The following CMSS1 variants were observed in gnomAD, a reference collection of about 807,000 sequenced individuals.
CMSS1 encodes protein CMSS1.
A neutral mutation model predicts 43.5 loss-of-function variants in CMSS1; 33 were observed. The observed-to-expected ratio is 0.76, with a 90% CI of 0.57 to 1.01. CMSS1 has a LOEUF of 1.01. Ranked by LOEUF, CMSS1 falls within the 50% of genes least tolerant of loss-of-function variation. The pLI is 0.00. For synonymous variants in CMSS1, 115 were observed against 117.2 expected (o/e 0.98, Z 0.12); for missense variants, 313 against 326.4 (o/e 0.96, Z 0.32).
intron 2 of CMSS1, among the ~76,000 whole-genome samples, chr3:100,148,422 TTAC>T (rs2066873379): frequency 6.6e-6 from 1 of 152,160 alleles, no homozygotes; most frequent in Non-Finnish European, 1.5e-5. Context: ...CAATCCAAAG[TTAC>T]TATATTTTTC....
intron 1 of CMSS1, among the ~76,000 whole-genome samples, chr3:100,011,459 A>C (rs1026560844): frequency 1.3e-5 from 2 of 152,194 alleles, no homozygotes; most frequent in Admixed American, 6.5e-5. Flanking sequence ...GTTAGATGCC[A>C]TCTTCCTCCA....
intron 1 of CMSS1, among the ~76,000 whole-genome samples, chr3:100,119,267 G>C (rs1219232149): frequency 2.0e-5 from 3 of 152,078 alleles, no homozygotes; most frequent in Non-Finnish European, 4.4e-5. Flanking sequence ...GAATTATAAA[G>C]GAAAAATGAA....
chr3:100,166,014 G>T lies in CMSS1; in HGVS notation c.356-321G>T, dbSNP rs1458875006. On this transcript the variant is annotated intron_variant, in intron 4 of 9. Coordinates refer to ENST00000421999, the MANE Select transcript of CMSS1 (RefSeq NM_032359.4). ...AGTTTCAACATGTTTACATAGATTTGTTAGCCACTTCATTTTGCATTTGTG... is the reference window on the plus strand; with the variant it reads ...AGTTTCAACATGTTTACATAGATTTTTTAGCCACTTCATTTTGCATTTGTG... 2.0e-5 allele frequency among the ~76,000 whole-genome samples: 3 copies of T among 152,100 alleles called. No individual in the cohort carries two copies. In the East Asian group the frequency reaches 5.8e-4, roughly 29 times the overall value.
intron 1 of CMSS1, among the ~76,000 whole-genome samples, chr3:100,145,674 A>G (rs2066843776): frequency 6.6e-6 from 1 of 152,196 alleles, no homozygotes; most frequent in Non-Finnish European, 1.5e-5. Flanking sequence ...AAGATGATGC[A>G]GTTTTAGTCT....
At chr3:100,126,543 A>G (rs2066663389) in intron 1 of CMSS1, among the ~76,000 whole-genome samples, 1 of 152,188 alleles carries the variant, frequency 6.6e-6, no homozygotes, top group Non-Finnish European at 1.5e-5. Flanking sequence ...CTTTATCATA[A>G]GTCTTGGATT....
rs187341961 is a variant in CMSS1, at chr3:99,850,099, T to C, written c.64+32056T>C. 4.0e-5 allele frequency: 64 copies of C among 1,613,266 alleles called. No individual in the cohort carries two copies. In the Admixed American group the frequency reaches 1.1e-3, roughly 27 times the overall value. On this transcript the variant is annotated intron_variant, in intron 1 of 9. Transcript: ENST00000421999. ...TGTTGTTACTTTATTTTGCTCCACT[T>C]GAAGCTGAGAAGAAGCAGCTTGTAA...
chr3:99,972,186 T>G (rs1708842714), intron 1 of CMSS1, among the ~76,000 whole-genome samples: 1 of 152,152 alleles, frequency 6.6e-6, no homozygotes, highest in South Asian at 2.1e-4. Flanking sequence ...AACCAGTCTT[T>G]TTATGGGCTT....
intron 1 of CMSS1, among the ~76,000 whole-genome samples, chr3:99,954,111 C>T (rs1708252867): frequency 6.6e-6 from 1 of 152,230 alleles, no homozygotes; most frequent in Non-Finnish European, 1.5e-5. Flanking sequence ...TGTATGAGGG[C>T]TCATCTCACT....
intron 1 of CMSS1, among the ~76,000 whole-genome samples, chr3:99,946,651 G>A (rs1235584333): frequency 3.3e-5 from 5 of 152,170 alleles, no homozygotes; most frequent in African/African-American, 9.7e-5. Context: ...TTCAGTACAA[G>A]TTACCATGCA....
chr3:99,832,438 G>T (rs1163106200), intron 1 of CMSS1, among the ~76,000 whole-genome samples: 1 of 148,500 alleles, frequency 6.7e-6, no homozygotes, highest in African/African-American at 2.5e-5. Context: ...CACTGTGTTA[G>T]CCAGGATGAT....
chr3:100,006,904 C>T (rs1045850967), intron 1 of CMSS1, among the ~76,000 whole-genome samples: 7 of 152,166 alleles, frequency 4.6e-5, no homozygotes, highest in Non-Finnish European at 8.8e-5. Context: ...CTCTAATATG[C>T]ATTGAGAAGG....
chr3:100,098,723 A>G (rs1215393982), intron 1 of CMSS1, among the ~76,000 whole-genome samples: 1 of 152,182 alleles, frequency 6.6e-6, no homozygotes, highest in Non-Finnish European at 1.5e-5. Flanking sequence ...GTTGAATGTC[A>G]TTGCCGTATA....
At chr3:100,086,173 C>T (rs754773294) in intron 1 of CMSS1, among the ~76,000 whole-genome samples, 31 of 152,284 alleles carry the variant, frequency 2.0e-4, no homozygotes, top group Non-Finnish European at 2.1e-4. Context: ...TCCTTTCTGG[C>T]AGTGGTAGAG....
chr3:99,843,000 A>G (rs1943203006), intron 1 of CMSS1, among the ~76,000 whole-genome samples: 1 of 152,206 alleles, frequency 6.6e-6, no homozygotes, highest in Admixed American at 6.5e-5. Flanking sequence ...ACCTTGAGGA[A>G]TGGAAAGGGT....
At chr3:100,141,396 C>T (rs1448733185) in intron 1 of CMSS1, 1 of 317,666 alleles carries the variant, frequency 3.1e-6, no homozygotes, top group Non-Finnish European at 6.2e-6. Flanking sequence ...AGCACTACTC[C>T]CTGGGAGATA....
chr3:99,848,748 A>C lies in CMSS1; in HGVS notation c.64+30705A>C, dbSNP rs756219024. 1.9e-5 allele frequency: 30 copies of C among 1,614,002 alleles called. No individual in the cohort carries two copies. In the Middle Eastern group the frequency reaches 4.9e-4, roughly 27 times the overall value. ...GTGCTCTGGCAAAGGTTGCCATGGT[A>C]ATTGGGGACATGCCTTGTTCTAAAT... On this transcript the variant is annotated intron_variant, in intron 1 of 9. Coordinates refer to ENST00000421999, the MANE Select transcript of CMSS1 (RefSeq NM_032359.4).
intron 1 of CMSS1, chr3:99,876,242 G>T: frequency 1.0e-6 from 1 of 984,978 alleles, no homozygotes; most frequent in South Asian, 4.7e-5. Flanking sequence ...GGCGCTCCGC[G>T]TGTGCGGCGC....
chr3:99,872,320 T>TGTGA (rs1944838492), intron 1 of CMSS1, among the ~76,000 whole-genome samples: 1 of 143,274 alleles, frequency 7.0e-6, no homozygotes, highest in South Asian at 2.2e-4. Context: ...TGTGTGTGTG[T>TGTGA]GTGACTGTGG....
At chr3:99,926,512 T>G (rs1707298296) in intron 1 of CMSS1, among the ~76,000 whole-genome samples, 1 of 152,222 alleles carries the variant, frequency 6.6e-6, no homozygotes, top group South Asian at 2.1e-4. Flanking sequence ...CAACTCCTTT[T>G]GCAATTTGAG....
Sources: allele counts gnomAD v4.1 joint callset (sites outside exome capture counted in the v4.1 genomes callset), GRCh38; gene constraint gnomAD v4.1.1; transcripts MANE v1.5; gene names NCBI Gene and HGNC (gene_info 2026-07-23, HGNC 2026-07-21).